MECOM: variants seen among roughly 807,000 people sequenced by gnomAD.
MECOM encodes MDS1 and EVI1 complex locus.
In MECOM, 13 loss-of-function variants were observed where a neutral mutation model predicts 116.3. The observed-to-expected ratio is 0.11, with a 90% confidence interval of 0.07 to 0.18. MECOM has a LOEUF of 0.18. Ranked by LOEUF, MECOM falls within the 10% of genes least tolerant of loss-of-function variation. The pLI, the probability that MECOM is intolerant of heterozygous loss-of-function variation, is 1.00. For synonymous variants in MECOM, 528 were observed against 535.2 expected (o/e 0.99, Z 0.19); for missense variants, 1,299 against 1,509.0 (o/e 0.86, Z 2.31).
intron 1 of MECOM, among the ~76,000 whole-genome samples, chr3:169,541,528 C>T (rs1398685943): frequency 1.3e-5 from 2 of 152,254 alleles, no homozygotes. Context: ...TTGTTTCCAA[C>T]TCTGCGCATG....
chr3:169,546,738 GA>G (rs147349420), intron 1 of MECOM, among the ~76,000 whole-genome samples: 7,701 of 151,600 alleles, frequency 0.051, 436 homozygotes, highest in East Asian at 0.33. Flanking sequence ...AGAAAGGAAG[GA>G]AAAAAAATAC....
chr3:169,493,819 AG>A (rs1487157874), intron 1 of MECOM, among the ~76,000 whole-genome samples: 7 of 152,176 alleles, frequency 4.6e-5, no homozygotes, highest in Non-Finnish European at 8.8e-5. Context: ...AACAAGATAA[AG>A]GGCAGGAGAG....
intron 2 of MECOM, among the ~76,000 whole-genome samples, chr3:169,341,672 G>A (rs548251919): frequency 8.2e-4 from 122 of 149,360 alleles, no homozygotes; most frequent in Admixed American, 5.3e-3. Context: ...CCTGGGAGGC[G>A]GAGGTTGCAG....
intron 2 of MECOM, among the ~76,000 whole-genome samples, chr3:169,258,687 A>G (rs1376302283): frequency 6.6e-6 from 1 of 152,180 alleles, no homozygotes; most frequent in African/African-American, 2.4e-5. Context: ...AACTGAAGAT[A>G]CACTCATCCC....
intron 1 of MECOM, among the ~76,000 whole-genome samples, chr3:169,632,927 A>G (rs1772266843): frequency 6.6e-6 from 1 of 152,208 alleles, no homozygotes; most frequent in Admixed American, 6.5e-5. Context: ...AGCATCTCCA[A>G]CACTAGGTTC....
chr3:169,116,431 A>G lies in MECOM; in HGVS notation c.1441T>C (p.Phe481Leu), dbSNP rs1338188588. The G allele has an allele frequency of 6.2e-7, 1 of 1,614,224 alleles. No individual in the cohort carries two copies. Among genetic ancestry groups the G allele is most frequent in the Non-Finnish European group, 8.5e-7 (1 of 1,180,044 alleles). ...AAAGAAAATCCAGGAGCTGTTGGAA[A>G]GGTAAGACCAGCAGGATGCCTATTG... ...GANRHPAGLT[F>L]PTAPGFSFSF... is the part of the protein sequence containing the mutation. Residue 481 changes from phenylalanine to leucine, a missense_variant, in exon 8 of 17, where the codon TTT becomes CTT. Coordinates refer to ENST00000651503, the MANE Select transcript of MECOM (RefSeq NM_004991.4).
chr3:169,413,874 G>A (rs1285099482), intron 1 of MECOM, among the ~76,000 whole-genome samples: 4 of 152,184 alleles, frequency 2.6e-5, no homozygotes, highest in South Asian at 2.1e-4. Context: ...TGAAAGAAAG[G>A]CAGCAGCCCC....
chr3:169,599,999 C>T (rs1436558790), intron 1 of MECOM, among the ~76,000 whole-genome samples: 3 of 151,860 alleles, frequency 2.0e-5, no homozygotes, highest in African/African-American at 7.3e-5. Flanking sequence ...TGAGACAGGG[C>T]CTCGCTCTGT....
At chr3:169,517,773 G>T (rs559349701) in intron 1 of MECOM, among the ~76,000 whole-genome samples, 21 of 152,274 alleles carry the variant, frequency 1.4e-4, no homozygotes, top group Middle Eastern at 3.4e-3. Context: ...CATTGATTCA[G>T]TCAGGAACTG....
intron 2 of MECOM, chr3:169,269,295 C>G (rs1195395765): frequency 6.6e-6 from 1 of 151,846 alleles, no homozygotes; most frequent in Non-Finnish European, 1.5e-5. Context: ...AGTCAGCGTG[C>G]TAAGTTTCTA....
intron 9 of MECOM, among the ~76,000 whole-genome samples, chr3:169,111,039 T>C (rs552347425): frequency 6.6e-6 from 1 of 152,334 alleles, no homozygotes; most frequent in South Asian, 2.1e-4. Context: ...CAGCTGCGAA[T>C]TCATACAGAA....
At chr3:169,456,728 T>C (rs762344441) in intron 1 of MECOM, among the ~76,000 whole-genome samples, 14 of 152,080 alleles carry the variant, frequency 9.2e-5, no homozygotes, top group African/African-American at 1.4e-4. Context: ...ATCCCCTCCG[T>C]AAAGGTGGGA....
chr3:169,342,846 T>G (rs1724764532), intron 2 of MECOM, among the ~76,000 whole-genome samples: 1 of 152,102 alleles, frequency 6.6e-6, no homozygotes, highest in African/African-American at 2.4e-5. Context: ...TTTTGTCACA[T>G]CTAGGCCCTG....
intron 2 of MECOM, among the ~76,000 whole-genome samples, chr3:169,219,944 G>A (rs1751920647): frequency 1.3e-5 from 2 of 148,286 alleles, no homozygotes; most frequent in African/African-American, 4.9e-5. Context: ...ATTCTAATAT[G>A]TATAATTCTA....
At chr3:169,177,307 T>C (rs1745311579) in intron 2 of MECOM, among the ~76,000 whole-genome samples, 2 of 152,182 alleles carry the variant, frequency 1.3e-5, no homozygotes, top group African/African-American at 4.8e-5. Context: ...TGAGATCATG[T>C]CCTTTGCAGG....
chr3:169,105,481 T>G (rs1222811971), intron 10 of MECOM, among the ~76,000 whole-genome samples: 1 of 152,028 alleles, frequency 6.6e-6, no homozygotes, highest in Non-Finnish European at 1.5e-5. Flanking sequence ...AAAATCAAGA[T>G]AAATTGGAAT....
At chr3:169,619,548 G>T (rs529977553) in intron 1 of MECOM, among the ~76,000 whole-genome samples, 1 of 152,206 alleles carries the variant, frequency 6.6e-6, no homozygotes, top group Admixed American at 6.5e-5. Flanking sequence ...CAGGTATCCA[G>T]TGATTTTAAC....
intron 2 of MECOM, among the ~76,000 whole-genome samples, chr3:169,162,862 G>A (rs554920826): frequency 6.6e-6 from 1 of 152,196 alleles, no homozygotes; most frequent in East Asian, 1.9e-4. Context: ...AAAGCAGTAA[G>A]AGTAATTCTT....
At chr3:169,392,930 A>C (rs1734458785) in intron 1 of MECOM, among the ~76,000 whole-genome samples, 1 of 152,170 alleles carries the variant, frequency 6.6e-6, no homozygotes, top group South Asian at 2.1e-4. Flanking sequence ...CTTCCAAATA[A>C]CTCATAAAAT....
Sources: gnomAD v4.1 joint callset for allele counts (sites outside exome capture counted in the v4.1 genomes callset) on GRCh38, gnomAD v4.1.1 for gene constraint, MANE v1.5 for transcripts, NCBI Gene and HGNC (gene_info 2026-07-23, HGNC 2026-07-21) for gene names.